The following SYNE1 variants were observed in gnomAD, a reference collection of about 807,000 sequenced individuals.
The protein encoded by SYNE1 is nesprin-1.
A neutral mutation model predicts 1,111.0 loss-of-function variants in SYNE1; 616 were observed. The observed-to-expected ratio is 0.55, with a 90% CI of 0.52 to 0.59. SYNE1 has a LOEUF of 0.59. Among genes scored for constraint, SYNE1 ranks in the 20% least tolerant of loss-of-function variants. The pLI is 0.00. For missense variants in SYNE1, 10,006 were observed against 10,417.0 expected (o/e 0.96, Z 1.72); for synonymous variants, 3,855 against 3,825.8 (o/e 1.01, Z -0.28).
At chr6:152,569,801 G>A (rs1038933609) in intron 3 of SYNE1, among the ~76,000 whole-genome samples, 1 of 152,122 alleles carries the variant, frequency 6.6e-6, no homozygotes, top group East Asian at 1.9e-4. Context: ...AACAATTTGG[G>A]TATATAAACC....
At chr6:152,159,646 C>T (rs577640909) in intron 131 of SYNE1, among the ~76,000 whole-genome samples, 23 of 152,080 alleles carry the variant, frequency 1.5e-4, no homozygotes, top group African/African-American at 5.5e-4. Context: ...GCTCTGTCAC[C>T]CAGGCTGGAG....
intron 140 of SYNE1, among the ~76,000 whole-genome samples, chr6:152,138,358 A>G (rs2152768524): frequency 6.6e-6 from 1 of 152,100 alleles, no homozygotes; most frequent in South Asian, 2.1e-4. Flanking sequence ...TAAAAATACA[A>G]TAAATAGCCG....
intron 19 of SYNE1, 63 bp downstream of exon 19, chr6:152,463,290 C>A: frequency 1.2e-6 from 2 of 1,609,136 alleles, no homozygotes; most frequent in Non-Finnish European, 8.5e-7. Context: ...TCTCTCTAAA[C>A]AGACTACTTA....
intron 55 of SYNE1, among the ~76,000 whole-genome samples, chr6:152,385,313 T>C (rs1055467861): frequency 1.3e-5 from 2 of 152,200 alleles, no homozygotes; most frequent in Non-Finnish European, 2.9e-5. Flanking sequence ...CAGAATGACA[T>C]TTTCAGGTTA....
chr6:152,436,298 T>G (rs1321252968), intron 32 of SYNE1, among the ~76,000 whole-genome samples, 197 bp from the exon 33 acceptor site: 1 of 152,136 alleles, frequency 6.6e-6, no homozygotes, highest in East Asian at 1.9e-4. Context: ...CTAACAGTTT[T>G]TTATTTTATT....
chr6:152,130,410 A>G (rs2055200892), intron 145 of SYNE1, among the ~76,000 whole-genome samples: 1 of 152,248 alleles, frequency 6.6e-6, no homozygotes, highest in African/African-American at 2.4e-5. Context: ...AAAGTCTGCC[A>G]TGAATCAAAT....
At chr6:152,180,831 G>T (rs538690071) in intron 128 of SYNE1, among the ~76,000 whole-genome samples, 1 of 152,258 alleles carries the variant, frequency 6.6e-6, no homozygotes, top group South Asian at 2.1e-4. Context: ...ATGGAGGCAG[G>T]TGCCCCAAGG....
intron 3 of SYNE1, among the ~76,000 whole-genome samples, chr6:152,586,823 C>T (rs1323712418): frequency 6.6e-6 from 1 of 151,754 alleles, no homozygotes; most frequent in Admixed American, 6.6e-5. Flanking sequence ...TTGAATTATC[C>T]CTACATTCCT....
intron 42 of SYNE1, 31 bp downstream of exon 42, chr6:152,413,321 A>G (rs2098100342): frequency 1.2e-6 from 2 of 1,613,496 alleles, no homozygotes; most frequent in Non-Finnish European, 1.7e-6. Flanking sequence ...GTGGGAAGCT[A>G]AAAACAAGAA....
chr6:152,459,525 G>T (rs1333900624), intron 21 of SYNE1, among the ~76,000 whole-genome samples: 1 of 152,166 alleles, frequency 6.6e-6, no homozygotes, highest in East Asian at 1.9e-4. Flanking sequence ...ATTTATTCAT[G>T]AAGCTTCCCA....
At chr6:152,609,883 A>G (rs886494857) in intron 3 of SYNE1, among the ~76,000 whole-genome samples, 36 of 152,246 alleles carry the variant, frequency 2.4e-4, no homozygotes, top group Non-Finnish European at 1.5e-5. Flanking sequence ...GCAAACTCCA[A>G]CAGACCTGTA....
At chr6:152,570,280 G>A (rs148631548) in intron 3 of SYNE1, among the ~76,000 whole-genome samples, 19 of 152,080 alleles carry the variant, frequency 1.2e-4, no homozygotes, top group African/African-American at 2.2e-4. Context: ...TGATTGTCCC[G>A]AACACATCAA....
At chr6:152,389,729 C>G (rs214941) in intron 53 of SYNE1, among the ~76,000 whole-genome samples, 79,595 of 152,084 alleles carry the variant, frequency 0.52, 23,148 homozygotes, top group African/African-American at 0.77. Context: ...TGGACTGACT[C>G]TTGGTTGTGG....
chr6:152,447,797 A>G (rs2098605346), intron 28 of SYNE1, among the ~76,000 whole-genome samples, 175 bp from the exon 29 acceptor site: 1 of 152,370 alleles, frequency 6.6e-6, no homozygotes, highest in East Asian at 1.9e-4. Context: ...ACAAAAGTCC[A>G]CAAGTGCTTG....
chr6:152,574,611 A>G (rs546043924), intron 3 of SYNE1, among the ~76,000 whole-genome samples: 3 of 152,330 alleles, frequency 2.0e-5, no homozygotes, highest in South Asian at 4.1e-4. Flanking sequence ...AGGGAAGGAA[A>G]GGAGATGAGC....
intron 73 of SYNE1, among the ~76,000 whole-genome samples, chr6:152,345,577 A>AT (rs35360932): frequency 9.3e-5 from 14 of 149,974 alleles, no homozygotes; most frequent in Admixed American, 4.6e-4. Flanking sequence ...TTGAAGGTGA[A>AT]TTTTTTTTTT....
intron 2 of SYNE1, among the ~76,000 whole-genome samples, chr6:152,632,975 A>G (rs540449236): frequency 1.3e-5 from 2 of 152,302 alleles, no homozygotes; most frequent in South Asian, 4.1e-4. Flanking sequence ...ATAGCAGCAC[A>G]AGGCAGAGCT....
chr6:152,253,893 C>T (rs2090164869), intron 104 of SYNE1, among the ~76,000 whole-genome samples: 1 of 118,416 alleles, frequency 8.4e-6, no homozygotes, highest in South Asian at 2.9e-4. Flanking sequence ...ACTCTTGGCC[C>T]TAATGACATG....
At chr6:152,446,871 C>T (rs1191535829) in intron 29 of SYNE1, among the ~76,000 whole-genome samples, 2 of 152,142 alleles carry the variant, frequency 1.3e-5, no homozygotes, top group African/African-American at 2.4e-5. Flanking sequence ...AAGAGAATTT[C>T]ACTGGCCTGC....
Sources: allele counts gnomAD v4.1 joint callset (sites outside exome capture counted in the v4.1 genomes callset), GRCh38; gene constraint gnomAD v4.1.1; transcripts MANE v1.5; gene names NCBI Gene and HGNC (gene_info 2026-07-23, HGNC 2026-07-21).